The following RERG variants were observed in gnomAD, a reference collection of about 807,000 sequenced individuals.
The protein encoded by RERG is ras-related and estrogen-regulated growth inhibitor.
In RERG, 25 loss-of-function variants were observed where a neutral mutation model predicts 23.2. The observed-to-expected ratio is 1.08, with a 90% CI of 0.79 to 1.50. The LOEUF (loss-of-function observed/expected upper bound fraction) is 1.50. RERG is among the 40% of genes most tolerant of loss of function. The pLI is 0.00. For missense variants in RERG, 253 were observed against 250.1 expected (o/e 1.01, Z -0.08); for synonymous variants, 81 against 89.1 (o/e 0.91, Z 0.51).
chr12:15,189,169 A>T (rs990832952), intron 2 of RERG, among the ~76,000 whole-genome samples: 1 of 152,172 alleles, frequency 6.6e-6, no homozygotes. Flanking sequence ...ATAGACTGTT[A>T]AATGTGTCAC....
At chr12:15,131,217 T>C (rs1259422313) in intron 2 of RERG, among the ~76,000 whole-genome samples, 1 of 152,204 alleles carries the variant, frequency 6.6e-6, no homozygotes, top group Non-Finnish European at 1.5e-5. Context: ...AATTTGGCTT[T>C]ATCTTTTTGT....
chr12:15,156,425 A>G (rs1003727901), intron 2 of RERG, among the ~76,000 whole-genome samples: 22 of 152,210 alleles, frequency 1.4e-4, no homozygotes, highest in Non-Finnish European at 3.2e-4. Context: ...CCATCCTAAT[A>G]CGGAAGTTTA....
At chr12:15,124,346 AAAATT>A (rs1565509931) in intron 2 of RERG, among the ~76,000 whole-genome samples, 1 of 152,106 alleles carries the variant, frequency 6.6e-6, no homozygotes, top group African/African-American at 2.4e-5. Context: ...TTTTAAAATG[AAAATT>A]AATTAGGTAT....
At chr12:15,158,710 T>C (rs996596625) in intron 2 of RERG, among the ~76,000 whole-genome samples, 2 of 152,136 alleles carry the variant, frequency 1.3e-5, no homozygotes, top group Admixed American at 6.5e-5. Context: ...TCCTCATAAT[T>C]AGATTCGGAT....
intron 2 of RERG, among the ~76,000 whole-genome samples, chr12:15,192,483 C>A (rs1865085568): frequency 1.3e-5 from 2 of 151,924 alleles, no homozygotes; most frequent in Non-Finnish European, 2.9e-5. Context: ...TATGCAATAC[C>A]TTTTTATTTT....
intron 3 of RERG, among the ~76,000 whole-genome samples, chr12:15,112,910 G>GCGTC: frequency 6.6e-6 from 1 of 152,146 alleles, no homozygotes; most frequent in Non-Finnish European, 1.5e-5. Flanking sequence ...TGAGGAAAAA[G>GCGTC]CTCTATATCT....
intron 2 of RERG, among the ~76,000 whole-genome samples, chr12:15,214,826 G>A (rs1196385597): frequency 6.6e-6 from 1 of 152,254 alleles, no homozygotes; most frequent in Non-Finnish European, 1.5e-5. Flanking sequence ...CAGCCTGAGC[G>A]ACAGAGGGAG....
chr12:15,170,351 A>G lies in RERG; in HGVS notation c.61+47078T>C, dbSNP rs1050951569. On this transcript the variant is annotated intron_variant, in intron 2 of 4. Transcript: ENST00000256953. ...GGTAGTCTGGGTGTGTGTAGGGGGA[A>G]GGGAGTGGGAGGACAGAGGGCATAT... Among the ~76,000 whole-genome samples the G allele has an allele frequency of 2.0e-5, 3 of 152,102 alleles. No homozygotes were observed. In the East Asian group the frequency reaches 5.8e-4, roughly 29 times the overall value.
rs869218147 is a variant in RERG at position 15,110,463 on chromosome 12, C to CTTTT, written c.192+877_192+880dup. Among the ~76,000 whole-genome samples, 208 of 73,116 alleles carry CTTTT rather than the reference C, an allele frequency of 2.8e-3. 41 individuals carry two copies. The highest frequency in any genetic ancestry group is 0.011 in the South Asian group (17 of 1,606). The allele number at this position is 73,116 out of a possible 152,430, so 48.0% of individuals were successfully genotyped here. A position where few individuals can be genotyped will look rare whatever the true frequency, so the allele number is the denominator to read the frequency against. On this transcript the variant is annotated intron_variant, in intron 4 of 4. Coordinates refer to ENST00000256953, the MANE Select transcript of RERG (RefSeq NM_032918.3). ...CTGTCATTCCAGTGGCCATTTTTTTCTTTTTTTTTTTTTTTTTTTTTTTTT... is the reference window on the plus strand; with the variant it reads ...CTGTCATTCCAGTGGCCATTTTTTTCTTTTTTTTTTTTTTTTTTTTTTTTTTTTT...
intron 2 of RERG, among the ~76,000 whole-genome samples, chr12:15,148,382 T>C (rs1267061713): frequency 6.6e-6 from 1 of 151,840 alleles, no homozygotes; most frequent in Non-Finnish European, 1.5e-5. Context: ...AAGGTGCGAA[T>C]AAAGAAGGTA....
chr12:15,150,819 G>C (rs558507278), intron 2 of RERG, among the ~76,000 whole-genome samples: 1 of 152,312 alleles, frequency 6.6e-6, no homozygotes, highest in African/African-American at 2.4e-5. Context: ...AGATGTGGGA[G>C]GTTATAGGGA....
intron 2 of RERG, among the ~76,000 whole-genome samples, chr12:15,143,564 A>G (rs189751028): frequency 8.5e-4 from 130 of 152,312 alleles, no homozygotes; most frequent in Non-Finnish European, 1.5e-3. Flanking sequence ...TTGAGTAACT[A>G]CTGGCCCTGA....
At chr12:15,212,348 C>T (rs1008454141) in intron 2 of RERG, among the ~76,000 whole-genome samples, 25 of 151,762 alleles carry the variant, frequency 1.6e-4, no homozygotes, top group African/African-American at 5.1e-4. Flanking sequence ...CGTGAGCCAC[C>T]GCGCCCGGCC....
chr12:15,135,118 A>G (rs916139256), intron 2 of RERG, among the ~76,000 whole-genome samples: 3 of 152,198 alleles, frequency 2.0e-5, no homozygotes, highest in Admixed American at 2.0e-4. Context: ...TTTTCCCCAT[A>G]GAGGTCTTGC....
At chr12:15,159,290 A>T (rs908702830) in intron 2 of RERG, among the ~76,000 whole-genome samples, 2 of 152,144 alleles carry the variant, frequency 1.3e-5, no homozygotes, top group Non-Finnish European at 2.9e-5. Flanking sequence ...ATAGGTCCCT[A>T]CCATTTGTGG....
chr12:15,111,280 C>A lies in RERG; in HGVS notation c.192+64G>T. The A allele has an allele frequency of 2.3e-6, 3 of 1,316,172 alleles. No individual in the cohort carries two copies. In the South Asian group the frequency reaches 3.9e-5, roughly 17 times the overall value. The allele number at this position is 1,316,172 out of a possible 1,614,324, so 81.5% of individuals were successfully genotyped here. A position where few individuals can be genotyped will look rare whatever the true frequency, so the allele number is the denominator to read the frequency against. On this transcript the variant is annotated intron_variant, in intron 4 of 4. Transcript: ENST00000256953. ...TGAAGAAAAGTGCCTTATTTTTGTT[C>A]ATAGCATAGATTTCTCAGTTTTATT...
intron 2 of RERG, among the ~76,000 whole-genome samples, chr12:15,183,428 A>C (rs1239656150): frequency 1.3e-5 from 2 of 152,134 alleles, no homozygotes; most frequent in African/African-American, 4.8e-5. Context: ...AAAACTTTGT[A>C]ATCTTCCTGA....
chr12:15,152,799 G>T (rs556583927), intron 2 of RERG, among the ~76,000 whole-genome samples: 3 of 152,004 alleles, frequency 2.0e-5, no homozygotes, highest in Non-Finnish European at 4.4e-5. Flanking sequence ...ATGTTCTTAG[G>T]TATTAAAGCC....
At chr12:15,157,540 T>C (rs1864540396) in intron 2 of RERG, among the ~76,000 whole-genome samples, 1 of 152,186 alleles carries the variant, frequency 6.6e-6, no homozygotes, top group Admixed American at 6.5e-5. Flanking sequence ...CCTAAAGTGG[T>C]AGAGATAACT....
Sources: gnomAD v4.1 joint callset for allele counts (sites outside exome capture counted in the v4.1 genomes callset) on GRCh38, gnomAD v4.1.1 for gene constraint, MANE v1.5 for transcripts, NCBI Gene and HGNC (gene_info 2026-07-23, HGNC 2026-07-21) for gene names.